SPMIP2: variants seen among roughly 807,000 people sequenced by gnomAD.
SPMIP2 encodes the protein sperm microtubule inner protein 2.
the SPMIP2 span, chr4:158,895,737 C>T: frequency 6.5e-7 from 1 of 1,538,538 alleles, no homozygotes; most frequent in Non-Finnish European, 9.0e-7. Context: ...TGTGAATGTT[C>T]TTGGCTTTGC....
the SPMIP2 span, among the ~76,000 whole-genome samples, chr4:159,080,348 C>T: frequency 6.6e-6 from 1 of 152,116 alleles, no homozygotes; most frequent in East Asian, 1.9e-4. Flanking sequence ...TCCCAAGTAA[C>T]CAGGACTATG....
At chr4:158,927,863 G>C in the SPMIP2 span, among the ~76,000 whole-genome samples, 1 of 152,210 alleles carries the variant, frequency 6.6e-6, no homozygotes, top group South Asian at 2.1e-4. Flanking sequence ...GCTACGGCGG[G>C]TGTACTGGGT....
chr4:158,970,310 G>A, the SPMIP2 span, among the ~76,000 whole-genome samples: 11 of 152,216 alleles, frequency 7.2e-5, no homozygotes, highest in African/African-American at 2.4e-4. Context: ...GGAGGCCGAG[G>A]TGGGAGGATC....
At chr4:159,077,170 C>T in the SPMIP2 span, among the ~76,000 whole-genome samples, 5 of 150,684 alleles carry the variant, frequency 3.3e-5, no homozygotes, top group South Asian at 2.1e-4. Context: ...GACAGAGTTT[C>T]GCTCTTGTTG....
At chr4:158,942,642 G>A in the SPMIP2 span, among the ~76,000 whole-genome samples, 1 of 151,992 alleles carries the variant, frequency 6.6e-6, no homozygotes, top group Non-Finnish European at 1.5e-5. Context: ...TGGTGGTGGT[G>A]GGGAGGTGCC....
At chr4:158,983,143 A>C in the SPMIP2 span, among the ~76,000 whole-genome samples, 3 of 152,202 alleles carry the variant, frequency 2.0e-5, 1 homozygote, top group South Asian at 6.2e-4. Flanking sequence ...CAAAGCCTCC[A>C]AGAAATATGG....
chr4:159,066,783 C>A, the SPMIP2 span, among the ~76,000 whole-genome samples: 1 of 151,852 alleles, frequency 6.6e-6, no homozygotes, highest in Non-Finnish European at 1.5e-5. Context: ...TGAATTTATA[C>A]CAGGGGTTGG....
chr4:158,945,443 T>C, the SPMIP2 span, among the ~76,000 whole-genome samples: 1,211 of 152,342 alleles, frequency 7.9e-3, 16 homozygotes, highest in South Asian at 0.055. Flanking sequence ...ATGGTCTGAT[T>C]GAAAACTTTA....
At chr4:158,943,276 AT>A in the SPMIP2 span, among the ~76,000 whole-genome samples, 1 of 152,148 alleles carries the variant, frequency 6.6e-6, no homozygotes, top group East Asian at 1.9e-4. Flanking sequence ...TATAGCTATA[AT>A]TTTACTTTTT....
At chr4:159,028,867 G>A in the SPMIP2 span, among the ~76,000 whole-genome samples, 1 of 152,132 alleles carries the variant, frequency 6.6e-6, no homozygotes, top group Non-Finnish European at 1.5e-5. Context: ...GGTGAAGGCT[G>A]GTGGATCACT....
chr4:158,915,409 G>A, the SPMIP2 span: 5 of 1,438,994 alleles, frequency 3.5e-6, no homozygotes, highest in South Asian at 2.5e-5. Context: ...TAGAAACAAG[G>A]CCACCAGTTT....
chr4:158,926,187 A>G, the SPMIP2 span, among the ~76,000 whole-genome samples: 1 of 151,868 alleles, frequency 6.6e-6, no homozygotes, highest in Admixed American at 6.6e-5. Flanking sequence ...TCTATTCTTT[A>G]TCTATTTTTA....
chr4:159,044,663 A>G, the SPMIP2 span, among the ~76,000 whole-genome samples: 13 of 152,290 alleles, frequency 8.5e-5, no homozygotes, highest in South Asian at 1.2e-3. Flanking sequence ...GGAGTTCGTG[A>G]GGGTTTTTCT....
the SPMIP2 span, among the ~76,000 whole-genome samples, chr4:158,895,431 A>G: frequency 6.6e-6 from 1 of 152,260 alleles, no homozygotes; most frequent in African/African-American, 2.4e-5. Context: ...TAATATGGGA[A>G]AGGATTATTA....
the SPMIP2 span, among the ~76,000 whole-genome samples, chr4:158,916,619 A>ATG: frequency 1.3e-5 from 2 of 150,618 alleles, no homozygotes; most frequent in South Asian, 2.1e-4. Context: ...ATGTATGTAC[A>ATG]TATGTATGTA....
the SPMIP2 span, among the ~76,000 whole-genome samples, chr4:159,028,531 G>C: frequency 6.6e-5 from 10 of 151,980 alleles, no homozygotes; most frequent in Non-Finnish European, 1.0e-4. Context: ...AACTCTCTCT[G>C]TGTTGCCCAG....
the SPMIP2 span, among the ~76,000 whole-genome samples, chr4:159,003,550 T>TA: frequency 5.3e-5 from 8 of 152,334 alleles, 1 homozygote; most frequent in East Asian, 1.5e-3. Context: ...TCTACTATGC[T>TA]AATGCTATTG....
the SPMIP2 span, among the ~76,000 whole-genome samples, chr4:158,934,156 A>G: frequency 1.3e-5 from 2 of 152,280 alleles, no homozygotes; most frequent in South Asian, 2.1e-4. Context: ...CTATGCAATT[A>G]TCTCATCTAT....
chr4:159,046,396 T>G, the SPMIP2 span, among the ~76,000 whole-genome samples: 1 of 152,062 alleles, frequency 6.6e-6, no homozygotes, highest in Admixed American at 6.6e-5. Context: ...CAGCTCACAT[T>G]GAAGGGGAGG....
Sources: allele counts gnomAD v4.1 joint callset (sites outside exome capture counted in the v4.1 genomes callset), GRCh38; gene constraint gnomAD v4.1.1; transcripts MANE v1.5; gene names NCBI Gene and HGNC (gene_info 2026-07-23, HGNC 2026-07-21).